The following IQGAP1 variants were observed in gnomAD, a reference collection of about 807,000 sequenced individuals.
The protein encoded by IQGAP1 is IQ motif containing GTPase activating protein 1, also known as ras GTPase-activating-like protein IQGAP1.
In IQGAP1, 66 loss-of-function variants were observed where a neutral mutation model predicts 215.6. The observed-to-expected ratio is 0.31, with a 90% CI of 0.25 to 0.38. The LOEUF (loss-of-function observed/expected upper bound fraction) is 0.38. Ranked by LOEUF, IQGAP1 falls within the 10% of genes least tolerant of loss-of-function variation. The pLI, the probability that IQGAP1 is intolerant of heterozygous loss-of-function variation, is 1.00. For missense variants in IQGAP1, 1,712 were observed against 1,997.1 expected, an observed-to-expected ratio of 0.86 and a Z score of 2.72; for synonymous variants, 772 against 728.7, an observed-to-expected ratio of 1.06 and a Z score of -0.96.
chr15:90,491,972 T>C (rs1038157093), intron 34 of IQGAP1, among the ~76,000 whole-genome samples: 5 of 152,174 alleles, frequency 3.3e-5, no homozygotes, highest in African/African-American at 1.2e-4. Flanking sequence ...TGAGAACTGG[T>C]AGTTGATGTA....
chr15:90,429,574 CTT>C lies in IQGAP1; in HGVS notation c.313-6_313-5del. 8 of 1,377,502 alleles carry C rather than the reference CTT, an allele frequency of 5.8e-6. No homozygotes were observed. The highest frequency in any genetic ancestry group is 2.8e-5 in the South Asian group (2 of 72,422). 85.3% of individuals were successfully genotyped at this position (1,377,502 alleles called of 1,614,324 possible). A position where few individuals can be genotyped will look rare whatever the true frequency, so the allele number is the denominator to read the frequency against. On this transcript the variant is annotated splice_polypyrimidine_tract_variant and intron_variant, in intron 3 of 37. Coordinates refer to ENST00000268182, the MANE Select transcript of IQGAP1 (RefSeq NM_003870.4). ...AATACAGCCAATAATACCTAATTTTCTTTTTTTTTTCTAGGCGACTGGCCTCC... is the reference window on the plus strand; with the variant it reads ...AATACAGCCAATAATACCTAATTTTCTTTTTTTTCTAGGCGACTGGCCTCC...
chr15:90,495,286 G>T lies in IQGAP1; in HGVS notation c.4751+451G>T, dbSNP rs572708267. 2.0e-5 allele frequency among the ~76,000 whole-genome samples: 3 copies of T among 152,190 alleles called. No individual in the cohort carries two copies. In the South Asian group the frequency reaches 6.2e-4, roughly 32 times the overall value. ...CATGTCATCCTCCCACAGGTCCTGGGCCCAGCGTCATTAGCAAGCATTTAT... is the reference window on the plus strand; with the variant it reads ...CATGTCATCCTCCCACAGGTCCTGGTCCCAGCGTCATTAGCAAGCATTTAT... On this transcript the variant is annotated intron_variant, in intron 36 of 37. Transcript: ENST00000268182.
intron 15 of IQGAP1, among the ~76,000 whole-genome samples, chr15:90,461,983 CAAA>C (rs1365772796): frequency 1.2e-5 from 1 of 85,750 alleles, no homozygotes; most frequent in African/African-American, 4.7e-5. Flanking sequence ...ACTAAAAACA[CAAA>C]AAAAAAAAAA....
chr15:90,398,222 C>T (rs1008689044), intron 2 of IQGAP1, among the ~76,000 whole-genome samples: 2 of 151,994 alleles, frequency 1.3e-5, no homozygotes, highest in Non-Finnish European at 2.9e-5. Flanking sequence ...AAAGGAAAAG[C>T]AGATTTAATG....
At chr15:90,412,223 C>G (rs966420786) in intron 2 of IQGAP1, among the ~76,000 whole-genome samples, 1 of 152,078 alleles carries the variant, frequency 6.6e-6, no homozygotes, top group South Asian at 2.1e-4. Context: ...TCACTTATTC[C>G]TATAGCTTTT....
intron 15 of IQGAP1, among the ~76,000 whole-genome samples, chr15:90,457,316 A>G (rs978688226): frequency 6.6e-6 from 1 of 151,974 alleles, no homozygotes; most frequent in Non-Finnish European, 1.5e-5. Flanking sequence ...GGTTGCATGG[A>G]GCCATCCTTT....
intron 2 of IQGAP1, among the ~76,000 whole-genome samples, chr15:90,413,490 G>A (rs115672461): frequency 1.6e-4 from 24 of 152,246 alleles, no homozygotes; most frequent in African/African-American, 5.3e-4. Flanking sequence ...GGAGCTTAAG[G>A]GTAGTTTGGA....
At chr15:90,431,750 T>C (rs1832762158) in intron 4 of IQGAP1, among the ~76,000 whole-genome samples, 1 of 152,200 alleles carries the variant, frequency 6.6e-6, no homozygotes, top group African/African-American at 2.4e-5. Flanking sequence ...GTATTGTTGT[T>C]CTTAATATAA....
intron 5 of IQGAP1, among the ~76,000 whole-genome samples, chr15:90,435,677 G>A (rs1965361026): frequency 2.0e-5 from 3 of 152,162 alleles, no homozygotes; most frequent in Admixed American, 2.0e-4. Context: ...AGTGTAACCT[G>A]GGTTCCAGGC....
chr15:90,409,319 C>T (rs1964924641), intron 2 of IQGAP1, among the ~76,000 whole-genome samples: 1 of 150,672 alleles, frequency 6.6e-6, no homozygotes, highest in Non-Finnish European at 1.5e-5. Flanking sequence ...TTCATTGCAA[C>T]CTCCACCTCC....
chr15:90,424,764 A>C (rs998845050), intron 2 of IQGAP1, among the ~76,000 whole-genome samples: 1 of 151,670 alleles, frequency 6.6e-6, no homozygotes, highest in African/African-American at 2.4e-5. Context: ...GCTTGAACCC[A>C]GGAGGCAGAG....
intron 37 of IQGAP1, among the ~76,000 whole-genome samples, chr15:90,498,666 G>A (rs1393228337): frequency 6.6e-6 from 1 of 151,286 alleles, no homozygotes; most frequent in Non-Finnish European, 1.5e-5. Context: ...TTTGGAGGGG[G>A]GGGCAGAGTC....
chr15:90,395,167 C>T (rs1964695388), intron 2 of IQGAP1, among the ~76,000 whole-genome samples: 1 of 152,142 alleles, frequency 6.6e-6, no homozygotes, highest in African/African-American at 2.4e-5. Flanking sequence ...TGAGATATCA[C>T]CTAACGATTC....
intron 11 of IQGAP1, among the ~76,000 whole-genome samples, chr15:90,452,108 G>A (rs868863972): frequency 3.4e-4 from 51 of 152,150 alleles, no homozygotes; most frequent in African/African-American, 1.2e-3. Context: ...GATTACAAGC[G>A]TGAGCCACCG....
chr15:90,489,224 G>A (rs1328408979), intron 33 of IQGAP1, among the ~76,000 whole-genome samples: 1 of 151,478 alleles, frequency 6.6e-6, no homozygotes, highest in African/African-American at 2.4e-5. Flanking sequence ...CGCCTCCTGG[G>A]TTCAAGCGAT....
At chr15:90,397,082 A>G (rs1218316318) in intron 2 of IQGAP1, among the ~76,000 whole-genome samples, 2 of 152,116 alleles carry the variant, frequency 1.3e-5, no homozygotes, top group East Asian at 3.9e-4. Flanking sequence ...CCAACTCCTG[A>G]CCTCAAGTGA....
At chr15:90,419,442 A>G (rs1965101963) in intron 2 of IQGAP1, among the ~76,000 whole-genome samples, 3 of 152,266 alleles carry the variant, frequency 2.0e-5, no homozygotes, top group East Asian at 3.9e-4. Flanking sequence ...ATCTGACATC[A>G]CCTTTTTAAA....
Position 90,454,401 on chromosome 15 carries a change from C to G in IQGAP1, c.1488-27C>G, listed in dbSNP as rs550874098. 8.1e-6 allele frequency: 13 copies of G among 1,612,704 alleles called. No individual in the cohort carries two copies. The Admixed American group carries it at 8.3e-5, about 10-fold the overall frequency. ...ATATTTAAACATGCTGTGCTTAATG[C>G]TCTTTTTACTTGGGGGTCTGGGGCA... On this transcript the variant is annotated intron_variant, in intron 13 of 37. Coordinates refer to ENST00000268182, the MANE Select transcript of IQGAP1 (RefSeq NM_003870.4).
At chr15:90,487,193 C>T in intron 32 of IQGAP1, 104 bp downstream of exon 32, 2 of 1,107,202 alleles carry the variant, frequency 1.8e-6, no homozygotes, top group Non-Finnish European at 2.7e-6. Flanking sequence ...ATCCTGACCT[C>T]TCGTACTTGT....
Sources: allele counts gnomAD v4.1 joint callset (sites outside exome capture counted in the v4.1 genomes callset), GRCh38; gene constraint gnomAD v4.1.1; transcripts MANE v1.5; gene names NCBI Gene and HGNC (gene_info 2026-07-23, HGNC 2026-07-21).